ROBO2: variants seen among roughly 807,000 people sequenced by gnomAD.
The protein encoded by ROBO2 is roundabout homolog 2.
In ROBO2, 53 loss-of-function variants were observed where a neutral mutation model predicts 160.8. That is an observed-to-expected ratio of 0.33 (90% CI 0.26 to 0.41). The LOEUF is 0.41. Among genes scored for constraint, ROBO2 ranks in the 10% least tolerant of loss-of-function variants. ROBO2 has a pLI of 1.00. For missense variants in ROBO2, 1,577 were observed against 1,722.4 expected (o/e 0.92, Z 1.49); for synonymous variants, 664 against 611.7 (o/e 1.09, Z -1.26).
chr3:77,517,827 A>G (rs1700643997), intron 5 of ROBO2, among the ~76,000 whole-genome samples: 1 of 151,272 alleles, frequency 6.6e-6, no homozygotes, highest in Non-Finnish European at 1.5e-5. Context: ...CGCTATGCAC[A>G]CTACCTTCCA....
intron 2 of ROBO2, among the ~76,000 whole-genome samples, chr3:76,132,871 A>T (rs545575451): frequency 6.6e-6 from 1 of 152,248 alleles, no homozygotes; most frequent in South Asian, 2.1e-4. Flanking sequence ...AGTGGAAGCA[A>T]GTGAGCCATG....
intron 2 of ROBO2, among the ~76,000 whole-genome samples, chr3:76,973,434 T>A (rs1187671870): frequency 6.6e-6 from 1 of 152,062 alleles, no homozygotes; most frequent in Non-Finnish European, 1.5e-5. Flanking sequence ...AAAGTTCAAG[T>A]TATAACATTA....
chr3:77,007,020 A>G lies in ROBO2; in HGVS notation c.110-90994A>G, dbSNP rs1219341626. On this transcript the variant is annotated intron_variant, in intron 2 of 26. Transcript: ENST00000487694. ...ATAGTCACAAGCAAGATAAGAGTGA[A>G]TTCATTCCAGGTGCAAACAAAGGAG... is the stretch of plus-strand genomic sequence containing the variant. Among the ~76,000 whole-genome samples, 6 of 152,222 alleles carry G rather than the reference A, an allele frequency of 3.9e-5. No individual in the cohort carries two copies. The South Asian group carries it at 8.3e-4, about 21-fold the overall frequency.
intron 2 of ROBO2, among the ~76,000 whole-genome samples, chr3:76,446,984 A>T (rs1465279592): frequency 6.6e-6 from 1 of 152,252 alleles, no homozygotes; most frequent in African/African-American, 2.4e-5. Context: ...GGCATGGACA[A>T]GGACTTCATG....
chr3:77,371,873 A>G (rs2071802401), intron 2 of ROBO2, among the ~76,000 whole-genome samples: 1 of 152,200 alleles, frequency 6.6e-6, no homozygotes, highest in South Asian at 2.1e-4. Context: ...TAGTTGTGTA[A>G]TGCGAAATCA....
In ROBO2 at chr3:75,925,253, C is replaced by A. The variant is rs564734827; in HGVS notation, c.-13-12228C>A. Among the ~76,000 whole-genome samples, 38 of 151,910 alleles carry A rather than the reference C, an allele frequency of 2.5e-4. No individual in the cohort carries two copies. In the South Asian group the frequency reaches 4.8e-3, roughly 19 times the overall value. On this transcript the variant is annotated intron_variant, in intron 1 of 26. Coordinates refer to the ROBO2 transcript ENST00000487694. Reference sequence around the variant, plus strand: ...ACAAAAAATACAAAAACTAGGCAGACGTGGTGGCTGGCGCCTGTCGTCCTG... The same window carrying A: ...ACAAAAAATACAAAAACTAGGCAGAAGTGGTGGCTGGCGCCTGTCGTCCTG...
chr3:76,407,454 A>G (rs2075263894), intron 2 of ROBO2, among the ~76,000 whole-genome samples: 1 of 150,388 alleles, frequency 6.6e-6, no homozygotes, highest in Non-Finnish European at 1.5e-5. Context: ...TGATAGACAC[A>G]TAATAAAAGT....
rs2075757098 is a variant in ROBO2, at chr3:76,416,358, A to G, written c.109+478756A>G. 2.6e-5 allele frequency among the ~76,000 whole-genome samples: 4 copies of G among 152,142 alleles called. No homozygotes were observed. The South Asian group carries it at 8.3e-4, about 32-fold the overall frequency. ...CATTTTAAGTGGAAAGCCAAGTTAAATATGAAGTAGCTTTGAAAGGATTAT... is the reference window on the plus strand; with the variant it reads ...CATTTTAAGTGGAAAGCCAAGTTAAGTATGAAGTAGCTTTGAAAGGATTAT... On this transcript the variant is annotated intron_variant, in intron 2 of 26. Transcript: ENST00000487694.
At chr3:77,309,201 C>T (rs2063342995) in intron 2 of ROBO2, among the ~76,000 whole-genome samples, 1 of 151,532 alleles carries the variant, frequency 6.6e-6, no homozygotes, top group African/African-American at 2.4e-5. Context: ...CATATATATT[C>T]TAATAAATGC....
At chr3:77,361,762 A>G (rs143667468) in intron 2 of ROBO2, among the ~76,000 whole-genome samples, 1,664 of 152,256 alleles carry the variant, frequency 0.011, 17 homozygotes, top group Middle Eastern at 0.017. Context: ...TAAGTTTCCA[A>G]CTGGAATTTT....
intron 2 of ROBO2, among the ~76,000 whole-genome samples, chr3:76,551,420 C>T (rs1432899126): frequency 1.3e-5 from 2 of 152,124 alleles, no homozygotes; most frequent in African/African-American, 2.4e-5. Context: ...CCGTCTTGCT[C>T]ACCCTCCAGT....
chr3:75,953,481 T>A (rs1031431008), intron 2 of ROBO2, among the ~76,000 whole-genome samples: 4 of 151,976 alleles, frequency 2.6e-5, no homozygotes, highest in African/African-American at 7.2e-5. Context: ...CTAATTTATC[T>A]GACATGTGTT....
At chr3:76,674,521 C>T (rs1420308209) in intron 2 of ROBO2, among the ~76,000 whole-genome samples, 1 of 150,992 alleles carries the variant, frequency 6.6e-6, no homozygotes, top group Non-Finnish European at 1.5e-5. Flanking sequence ...AAGTCCTTTC[C>T]AAAAGATTTT....
At chr3:76,770,303 C>G (rs2061812666) in intron 2 of ROBO2, among the ~76,000 whole-genome samples, 2 of 151,262 alleles carry the variant, frequency 1.3e-5, no homozygotes, top group African/African-American at 4.8e-5. Context: ...CTCCTCTCTC[C>G]TTTTTTCATC....
At chr3:76,487,149 A>AT (rs66948422) in intron 2 of ROBO2, among the ~76,000 whole-genome samples, 47,570 of 146,872 alleles carry the variant, frequency 0.32, 7,945 homozygotes, top group East Asian at 0.41. Flanking sequence ...TTTTAATTTA[A>AT]TTTTTTTTTT....
intron 2 of ROBO2, among the ~76,000 whole-genome samples, chr3:77,417,622 C>G (rs2077364486): frequency 6.6e-6 from 1 of 152,104 alleles, no homozygotes; most frequent in South Asian, 2.1e-4. Flanking sequence ...TTGATTTGTA[C>G]CACTTTAGTC....
chr3:76,674,420 G>A (rs1189555351), intron 2 of ROBO2, among the ~76,000 whole-genome samples: 8 of 152,050 alleles, frequency 5.3e-5, no homozygotes, highest in Admixed American at 3.3e-4. Flanking sequence ...CCAGGATCAA[G>A]CAGGGACCTC....
chr3:76,567,750 T>C (rs1237902415), intron 2 of ROBO2, among the ~76,000 whole-genome samples: 1 of 122,762 alleles, frequency 8.1e-6, no homozygotes, highest in Non-Finnish European at 1.7e-5. Context: ...GTTTTATATA[T>C]ATATATATCT....
At chr3:76,706,757 T>C (rs2093170870) in intron 2 of ROBO2, among the ~76,000 whole-genome samples, 1 of 152,134 alleles carries the variant, frequency 6.6e-6, no homozygotes, top group Non-Finnish European at 1.5e-5. Context: ...CCTTTTATTC[T>C]TTAATGATTT....
Sources: allele counts gnomAD v4.1 joint callset (sites outside exome capture counted in the v4.1 genomes callset), GRCh38; gene constraint gnomAD v4.1.1; transcripts MANE v1.5; gene names NCBI Gene and HGNC (gene_info 2026-07-23, HGNC 2026-07-21).